Variants in SBNO1 observed in about 807,000 individuals in gnomAD.
SBNO1 encodes strawberry notch homolog 1, also known as protein strawberry notch homolog 1.
SBNO1 carries 23 observed loss-of-function variants against 173.6 expected under a neutral mutation model. The ratio of observed to expected loss-of-function variants is 0.13; its 90% CI spans 0.10 to 0.19. The LOEUF is 0.19. Ranked by LOEUF, SBNO1 falls within the 10% of genes least tolerant of loss-of-function variation. The pLI, the probability that SBNO1 is intolerant of heterozygous loss-of-function variation, is 1.00. For missense variants in SBNO1, 1,238 were observed against 1,671.2 expected, an observed-to-expected ratio of 0.74 and a Z score of 4.52; for synonymous variants, 632 against 571.5, an observed-to-expected ratio of 1.11 and a Z score of -1.51.
At chr12:123,334,460 C>A (rs187887065) in intron 6 of SBNO1, among the ~76,000 whole-genome samples, 3 of 152,344 alleles carry the variant, frequency 2.0e-5, no homozygotes, top group Non-Finnish European at 4.4e-5. Flanking sequence ...GTAATCCCAG[C>A]ACTTTGGGGG....
intron 7 of SBNO1, 92 bp from the exon 8 acceptor site, chr12:123,331,467 T>TGTTAC (rs1360199126): frequency 1.3e-4 from 67 of 526,086 alleles, no homozygotes; most frequent in African/African-American, 1.1e-3. Flanking sequence ...GAATATGTTA[T>TGTTAC]GTTTTTTGTT....
rs1036865732 is a variant in SBNO1, at chr12:123,315,614, A to G, written c.2982T>C (p.Phe994=). ...SNQVTAPEYV[F]LISELAGEQR... ...GTTCTCCTGCCAGTTCAGATATCAG[A>G]AAGACATACTCAGGAGCAGTAACTT... The change falls in exon 22 of 32, where the codon TTT becomes TTC. Residue 994 remains phenylalanine (F), a synonymous_variant. Coordinates refer to ENST00000602398, the MANE Select transcript of SBNO1 (RefSeq NM_001167856.3). 19 of 1,613,962 alleles carry G rather than the reference A, an allele frequency of 1.2e-5. No homozygotes were observed. The highest frequency in any genetic ancestry group is 1.5e-5 in the Non-Finnish European group (18 of 1,179,960).
intron 3 of SBNO1, among the ~76,000 whole-genome samples, chr12:123,346,227 G>T (rs890400045): frequency 6.6e-6 from 1 of 152,116 alleles, no homozygotes; most frequent in Non-Finnish European, 1.5e-5. Context: ...TGGCAAAATA[G>T]CAAGACCCCT....
intron 16 of SBNO1, among the ~76,000 whole-genome samples, chr12:123,322,794 T>G: frequency 6.7e-6 from 1 of 149,998 alleles, no homozygotes; most frequent in South Asian, 2.1e-4. Flanking sequence ...TAATCCCAGC[T>G]CCTTGAACCC....
At chr12:123,344,863 GA>G (rs1292113584) in intron 4 of SBNO1, among the ~76,000 whole-genome samples, 1 of 152,040 alleles carries the variant, frequency 6.6e-6, no homozygotes, top group African/African-American at 2.4e-5. Context: ...AAAGAAAAAA[GA>G]AATGTAGAAT....
At chr12:123,320,233 G>A (rs1869795290) in intron 19 of SBNO1, among the ~76,000 whole-genome samples, 199 bp downstream of exon 19, 1 of 152,246 alleles carries the variant, frequency 6.6e-6, no homozygotes, top group Admixed American at 6.5e-5. Context: ...GATAAGTGCA[G>A]TAACTAGGAC....
At chr12:123,323,292 T>C (rs1870219225) in intron 16 of SBNO1, among the ~76,000 whole-genome samples, 1 of 152,238 alleles carries the variant, frequency 6.6e-6, no homozygotes, top group Non-Finnish European at 1.5e-5. Context: ...ATTCCCAAAA[T>C]ATAGCCACTT....
chr12:123,334,764 A>T (rs550126341), intron 6 of SBNO1, among the ~76,000 whole-genome samples: 6 of 133,612 alleles, frequency 4.5e-5, no homozygotes, highest in Admixed American at 1.4e-4. Flanking sequence ...ATTTGCTGAT[A>T]AAAAAAAGAT....
intron 28 of SBNO1, among the ~76,000 whole-genome samples, chr12:123,305,255 C>T (rs2048885050): frequency 6.6e-6 from 1 of 152,230 alleles, no homozygotes; most frequent in African/African-American, 2.4e-5. Context: ...TGGATGGCCC[C>T]AGTCCTCTGC....
intron 30 of SBNO1, 132 bp from the exon 31 acceptor site, chr12:123,298,303 G>C: frequency 1.1e-6 from 1 of 937,330 alleles, no homozygotes; most frequent in Non-Finnish European, 1.6e-6. Context: ...TTTTGCTCTT[G>C]TTGCCCAGAC....
chr12:123,304,743 A>T, intron 28 of SBNO1, 24 bp from the exon 29 acceptor site: 1 of 1,397,844 alleles, frequency 7.2e-7, no homozygotes, highest in Non-Finnish European at 9.9e-7. Flanking sequence ...ATGACAAAAT[A>T]TAAAGATTTT....
At chr12:123,322,645 C>A (rs1870122054) in intron 16 of SBNO1, among the ~76,000 whole-genome samples, 1 of 151,810 alleles carries the variant, frequency 6.6e-6, no homozygotes, top group African/African-American at 2.4e-5. Context: ...ATGGCTCACA[C>A]CTGTAATCCC....
At chr12:123,317,959 T>C (rs886386848) in intron 20 of SBNO1, among the ~76,000 whole-genome samples, 3 of 152,170 alleles carry the variant, frequency 2.0e-5, no homozygotes, top group African/African-American at 7.2e-5. Context: ...AACATTATCT[T>C]TTTGTATATA....
intron 14 of SBNO1, 81 bp from the exon 15 acceptor site, chr12:123,325,680 A>T: frequency 1.1e-6 from 1 of 920,376 alleles, no homozygotes; most frequent in Non-Finnish European, 1.7e-6. Context: ...ACATTTAGCT[A>T]AACAAAGATT....
intron 2 of SBNO1, among the ~76,000 whole-genome samples, chr12:123,349,654 C>T (rs988039055): frequency 2.0e-5 from 3 of 152,168 alleles, no homozygotes; most frequent in African/African-American, 4.8e-5. Flanking sequence ...CAGTGGCTCA[C>T]GCCTATAACC....
chr12:123,307,020 T>TAAA lies in SBNO1; in HGVS notation c.3630+2287_3630+2289dup, dbSNP rs34105162. Among the ~76,000 whole-genome samples the TAAA allele has an allele frequency of 6.5e-4, 42 of 64,404 alleles. 2 individuals carry two copies. The highest frequency in any genetic ancestry group is 1.5e-3 in the East Asian group (2 of 1,370). The allele number at this position is 64,404 out of a possible 152,430, so 42.3% of individuals were successfully genotyped here. A position where few individuals can be genotyped will look rare whatever the true frequency, so the allele number is the denominator to read the frequency against. ...CAACACAGTGAGACATCAACTGCAT[T>TAAA]AAAAAAAAAAAAAAAAAAAAAAGCC... On this transcript the variant is annotated intron_variant, in intron 28 of 31. Transcript: ENST00000602398.
rs1215577173 is a variant in SBNO1 at position 123,295,761 on chromosome 12, C to A, written c.*147G>T. ...CTGATTTTCAGTTTTGCTATCTATT[C>A]CAGGTTTGTCCTTACTCCCAAAAAA... On this transcript the variant is annotated 3_prime_UTR_variant, in exon 32 of 32. Coordinates refer to ENST00000602398, the MANE Select transcript of SBNO1 (RefSeq NM_001167856.3). The A allele has an allele frequency of 2.1e-6, 2 of 947,812 alleles. No individual in the cohort carries two copies. The highest frequency in any genetic ancestry group is 4.8e-5 in the East Asian group (2 of 41,442). 58.7% of individuals were successfully genotyped at this position (947,812 alleles called of 1,614,324 possible). A position where few individuals can be genotyped will look rare whatever the true frequency, so the allele number is the denominator to read the frequency against.
chr12:123,326,419 G>C, intron 13 of SBNO1, 85 bp from the exon 14 acceptor site: 1 of 750,652 alleles, frequency 1.3e-6, no homozygotes, highest in Non-Finnish European at 2.0e-6. Flanking sequence ...ACAATGTTAA[G>C]TGCAAGACCA....
chr12:123,324,119 T>C (rs528594507), intron 15 of SBNO1, among the ~76,000 whole-genome samples: 2 of 152,280 alleles, frequency 1.3e-5, no homozygotes, highest in African/African-American at 2.4e-5. Context: ...CAATATACCA[T>C]GTCAACACAT....
Sources: gnomAD v4.1 joint callset for allele counts (sites outside exome capture counted in the v4.1 genomes callset) on GRCh38, gnomAD v4.1.1 for gene constraint, MANE v1.5 for transcripts, NCBI Gene and HGNC (gene_info 2026-07-23, HGNC 2026-07-21) for gene names.